The following TRPM3 variants were observed in gnomAD, a reference collection of about 807,000 sequenced individuals.
The protein encoded by TRPM3 is long transient receptor potential channel 3.
A neutral mutation model predicts 181.2 loss-of-function variants in TRPM3; 77 were observed. The observed-to-expected ratio is 0.42, with a 90% CI of 0.35 to 0.51. The LOEUF (loss-of-function observed/expected upper bound fraction) is 0.51, where lower values mean the gene tolerates loss of function less well. TRPM3 is among the 20% of genes least tolerant of loss of function. TRPM3 has a pLI of 0.01. For synonymous variants in TRPM3, 745 were observed against 796.4 expected (o/e 0.94, Z 1.09); for missense variants, 1,759 against 2,196.7 (o/e 0.80, Z 3.98).
At chr9:70,874,614 T>C (rs2095842816) in intron 1 of TRPM3, among the ~76,000 whole-genome samples, 1 of 152,000 alleles carries the variant, frequency 6.6e-6, no homozygotes, top group Non-Finnish European at 1.5e-5. Context: ...TCACAATTCA[T>C]TCCTTCTGAT....
At chr9:71,399,333 T>A (rs2093278340) in intron 1 of TRPM3, among the ~76,000 whole-genome samples, 1 of 152,124 alleles carries the variant, frequency 6.6e-6, no homozygotes, top group Non-Finnish European at 1.5e-5. Context: ...ACCTCCTTGC[T>A]TTATGAAGTT....
chr9:70,663,180 C>A (rs1183879720), intron 9 of TRPM3, among the ~76,000 whole-genome samples: 1 of 152,026 alleles, frequency 6.6e-6, no homozygotes, highest in African/African-American at 2.4e-5. Context: ...ATAAGGGGAA[C>A]TAAACTATGA....
At chr9:70,553,337 T>G in intron 22 of TRPM3, 27 bp from the exon 23 acceptor site, 1 of 1,609,144 alleles carries the variant, frequency 6.2e-7, no homozygotes, top group Non-Finnish European at 8.5e-7. Context: ...ACACAAGAAA[T>G]GAGAAACTGG....
intron 6 of TRPM3, among the ~76,000 whole-genome samples, chr9:70,788,065 G>A (rs2084326932): frequency 6.8e-6 from 1 of 147,182 alleles, no homozygotes; most frequent in South Asian, 2.2e-4. Flanking sequence ...ACATTGTGCA[G>A]GTTAGTTACA....
At chr9:71,439,966 T>TA (rs1266353113) in intron 1 of TRPM3, among the ~76,000 whole-genome samples, 14 of 151,492 alleles carry the variant, frequency 9.2e-5, no homozygotes, top group African/African-American at 2.4e-4. Context: ...CTAAAAATAT[T>TA]AAAAAAATTA....
rs551332133 is a variant in TRPM3, at chr9:70,787,926, T to C, written c.974-3647A>G. On this transcript the variant is annotated intron_variant, in intron 6 of 25. Coordinates refer to ENST00000677713, the MANE Select transcript of TRPM3 (RefSeq NM_001366145.2). The stretch of plus-strand genomic sequence containing the variant: ...AACACACTCATGTAACCTCCACCCA[T>C]ATCAAGAAATAGAATATTATTAGAA... Among the ~76,000 whole-genome samples, 1,032 of 151,430 alleles carry C rather than the reference T, an allele frequency of 6.8e-3. 18 individuals are homozygous for C. Among genetic ancestry groups the C allele is most frequent in the African/African-American group, 0.024 (981 of 41,314 alleles).
At chr9:70,861,376 A>G (rs369527053) in intron 3 of TRPM3, among the ~76,000 whole-genome samples, 1 of 152,134 alleles carries the variant, frequency 6.6e-6, no homozygotes. Flanking sequence ...TTACAAGCCT[A>G]TTGGTGCTCC....
At chr9:70,641,935 T>G (rs956909974) in intron 9 of TRPM3, among the ~76,000 whole-genome samples, 1 of 152,168 alleles carries the variant, frequency 6.6e-6, no homozygotes, top group Non-Finnish European at 1.5e-5. Context: ...GCAATAAATA[T>G]CCAGTTTACA....
chr9:71,434,615 T>C (rs1563928259), intron 1 of TRPM3, among the ~76,000 whole-genome samples: 1 of 152,198 alleles, frequency 6.6e-6, no homozygotes, highest in Non-Finnish European at 1.5e-5. Context: ...CAAGGCCCAA[T>C]GTGGTATGAC....
At chr9:71,012,541 A>T (rs953302414) in intron 1 of TRPM3, among the ~76,000 whole-genome samples, 1 of 152,006 alleles carries the variant, frequency 6.6e-6, no homozygotes, top group Non-Finnish European at 1.5e-5. Flanking sequence ...AGGAAGAATA[A>T]AATTTAATGT....
At chr9:70,798,095 C>A (rs928862453) in intron 6 of TRPM3, among the ~76,000 whole-genome samples, 1 of 152,166 alleles carries the variant, frequency 6.6e-6, no homozygotes, top group Non-Finnish European at 1.5e-5. Flanking sequence ...CACTCCATCA[C>A]CCAGGTTGGA....
At chr9:71,237,981 C>T (rs2081460008) in intron 1 of TRPM3, among the ~76,000 whole-genome samples, 1 of 152,164 alleles carries the variant, frequency 6.6e-6, no homozygotes, top group Admixed American at 6.5e-5. Flanking sequence ...ATTGCATTGG[C>T]AACACCTGAA....
At chr9:71,369,310 C>T (rs2092437196) in intron 1 of TRPM3, among the ~76,000 whole-genome samples, 1 of 152,046 alleles carries the variant, frequency 6.6e-6, no homozygotes, top group African/African-American at 2.4e-5. Context: ...TTTTAAAGGA[C>T]TAATACTCCA....
chr9:71,292,161 T>C (rs1193171415), intron 1 of TRPM3, among the ~76,000 whole-genome samples: 3 of 152,030 alleles, frequency 2.0e-5, no homozygotes, highest in African/African-American at 7.2e-5. Flanking sequence ...ACCTGGCGAA[T>C]GCTGATGAAC....
At chr9:70,689,466 G>A (rs137974288) in intron 8 of TRPM3, among the ~76,000 whole-genome samples, 1 of 151,594 alleles carries the variant, frequency 6.6e-6, no homozygotes, top group Non-Finnish European at 1.5e-5. Flanking sequence ...TGAAAAGTTA[G>A]TGTTATGCTG....
At chr9:71,282,920 C>T (rs539313605) in intron 1 of TRPM3, among the ~76,000 whole-genome samples, 36 of 152,296 alleles carry the variant, frequency 2.4e-4, no homozygotes, top group Admixed American at 7.8e-4. Flanking sequence ...CACCGCTGGA[C>T]GACCATTCTT....
At chr9:70,588,266 G>T (rs1024261322) in intron 22 of TRPM3, among the ~76,000 whole-genome samples, 4 of 152,210 alleles carry the variant, frequency 2.6e-5, no homozygotes, top group Admixed American at 6.5e-5. Context: ...CAGAAGAAAA[G>T]GTGGAAGGCA....
intron 6 of TRPM3, among the ~76,000 whole-genome samples, chr9:70,786,200 C>G (rs571080930): frequency 6.0e-5 from 9 of 150,720 alleles, no homozygotes; most frequent in African/African-American, 2.2e-4. Context: ...CACAGTGGCT[C>G]ATGCCTGTAA....
At chr9:70,611,434 G>A (rs1170732734) in intron 18 of TRPM3, among the ~76,000 whole-genome samples, 1 of 151,876 alleles carries the variant, frequency 6.6e-6, no homozygotes, top group African/African-American at 2.4e-5. Context: ...TTTAAAGTGT[G>A]GCACTTCCTC....
Sources: gnomAD v4.1 joint callset for allele counts (sites outside exome capture counted in the v4.1 genomes callset) on GRCh38, gnomAD v4.1.1 for gene constraint, MANE v1.5 for transcripts, NCBI Gene and HGNC (gene_info 2026-07-23, HGNC 2026-07-21) for gene names.